ADAMTS12: variants seen among roughly 807,000 people sequenced by gnomAD.
ADAMTS12 encodes A disintegrin and metalloproteinase with thrombospondin motifs 12.
In ADAMTS12, 118 loss-of-function variants were observed where a neutral mutation model predicts 167.8. The observed-to-expected ratio is 0.70, with a 90% CI of 0.61 to 0.82. ADAMTS12 has a LOEUF of 0.82. Among genes scored for constraint, ADAMTS12 ranks in the 40% least tolerant of loss-of-function variants. ADAMTS12 has a pLI of 0.00. For synonymous variants in ADAMTS12, 704 were observed against 716.9 expected, an observed-to-expected ratio of 0.98 and a Z score of 0.29; for missense variants, 1,916 against 1,998.8, an observed-to-expected ratio of 0.96 and a Z score of 0.79.
intron 7 of ADAMTS12, among the ~76,000 whole-genome samples, chr5:33,653,368 T>C (rs1740935755): frequency 6.6e-6 from 1 of 152,136 alleles, no homozygotes; most frequent in Admixed American, 6.6e-5. Flanking sequence ...AAATCCCACT[T>C]GGTCATTGTG....
At chr5:33,617,272 T>C (rs1475757214) in intron 14 of ADAMTS12, among the ~76,000 whole-genome samples, 3 of 152,122 alleles carry the variant, frequency 2.0e-5, no homozygotes, top group Admixed American at 2.0e-4. Flanking sequence ...ATCTTGGTTA[T>C]TTTTCCACTG....
chr5:33,647,600 G>A lies in ADAMTS12; in HGVS notation c.1479+1222C>T, dbSNP rs896384275. 4.6e-5 allele frequency among the ~76,000 whole-genome samples: 7 copies of A among 152,234 alleles called. No individual in the cohort carries two copies. The South Asian group carries it at 1.0e-3, about 23-fold the overall frequency. ...ACAAAAATTAGCTGGCCCTGTTGGC[G>A]CATACCCGTAATCCCAGCTACTTGG... On this transcript the variant is annotated intron_variant, in intron 9 of 23. Coordinates refer to ENST00000504830, the MANE Select transcript of ADAMTS12 (RefSeq NM_030955.4).
chr5:33,764,987 G>C (rs1354486875), intron 2 of ADAMTS12, among the ~76,000 whole-genome samples: 3 of 152,024 alleles, frequency 2.0e-5, no homozygotes. Flanking sequence ...ACTACAAACA[G>C]TCCCAGTCTC....
Position 33,624,490 on chromosome 5 carries a change from T to C in ADAMTS12, c.2023-139A>G, listed in dbSNP as rs938007715. The C allele has an allele frequency of 1.0e-5, 13 of 1,260,470 alleles. No homozygotes were observed. The Admixed American group carries it at 1.3e-4, about 13-fold the overall frequency. The allele number at this position is 1,260,470 out of a possible 1,614,324, so 78.1% of individuals were successfully genotyped here. On this transcript the variant is annotated intron_variant, in intron 13 of 23. Transcript: ENST00000504830. ...AGGTACAAGGACAAATGTTTGTTCCTGGTGGCAGCAAGAGGAATATCCAAG... is the reference window on the plus strand; with the variant it reads ...AGGTACAAGGACAAATGTTTGTTCCCGGTGGCAGCAAGAGGAATATCCAAG...
chr5:33,790,268 C>T (rs1746477106), intron 2 of ADAMTS12, among the ~76,000 whole-genome samples: 1 of 151,994 alleles, frequency 6.6e-6, no homozygotes, highest in Non-Finnish European at 1.5e-5. Context: ...GAATGTCCCA[C>T]ATCTGGCCGG....
chr5:33,731,517 A>G (rs1744194350), intron 3 of ADAMTS12, among the ~76,000 whole-genome samples: 1 of 152,264 alleles, frequency 6.6e-6, no homozygotes. Context: ...ATAATGAGGC[A>G]AGGCAGCCAG....
At chr5:33,799,649 C>T (rs912913251) in intron 2 of ADAMTS12, among the ~76,000 whole-genome samples, 1 of 152,228 alleles carries the variant, frequency 6.6e-6, no homozygotes, top group South Asian at 2.1e-4. Context: ...GTTGTAAACC[C>T]TCTAGTCCGA....
At chr5:33,827,760 T>C (rs182330929) in intron 2 of ADAMTS12, among the ~76,000 whole-genome samples, 2 of 145,840 alleles carry the variant, frequency 1.4e-5, no homozygotes, top group African/African-American at 5.2e-5. Flanking sequence ...GATAGATAGA[T>C]AGAATGTTTT....
intron 4 of ADAMTS12, among the ~76,000 whole-genome samples, chr5:33,683,543 GT>G (rs1742210451): frequency 6.6e-6 from 1 of 152,104 alleles, no homozygotes; most frequent in African/African-American, 2.4e-5. Flanking sequence ...CTTTGCCTCA[GT>G]TTACTCCTTC....
At chr5:33,541,735 T>G (rs551385123) in intron 22 of ADAMTS12, among the ~76,000 whole-genome samples, 9 of 152,200 alleles carry the variant, frequency 5.9e-5, no homozygotes, top group African/African-American at 1.9e-4. Context: ...ACAACCAAAC[T>G]AAGCTTCATA....
rs147677395 is a variant in ADAMTS12 at position 33,647,952 on chromosome 5, C to G, written c.1479+870G>C. Among the ~76,000 whole-genome samples the G allele has an allele frequency of 2.3e-3, 348 of 152,336 alleles. 4 individuals are homozygous for G. The highest frequency in any genetic ancestry group is 0.019 in the Admixed American group (295 of 15,308). ...AAATTTTTATGCCTGCCTCCTCCAC[C>G]ATGAGCTCCTCGAGGGCAGAGACTT... On this transcript the variant is annotated intron_variant, in intron 9 of 23. Coordinates refer to ENST00000504830, the MANE Select transcript of ADAMTS12 (RefSeq NM_030955.4).
At chr5:33,850,998 G>A (rs1749200276) in intron 2 of ADAMTS12, among the ~76,000 whole-genome samples, 1 of 152,204 alleles carries the variant, frequency 6.6e-6, no homozygotes, top group African/African-American at 2.4e-5. Context: ...AGAGCTTCTG[G>A]CTAGATGGGA....
At position 33,549,328 on chromosome 5, in the gene ADAMTS12, C is replaced by T; in HGVS notation, c.4181G>A (p.Ser1394Asn). The T allele has an allele frequency of 6.2e-7, 1 of 1,614,210 alleles. No homozygotes were observed. The change falls in exon 21 of 24, where the codon AGC (serine) becomes AAC (asparagine). Residue 1394 changes from serine to asparagine, a missense_variant. Ser to Asn is a conservative substitution (Grantham distance 46, BLOSUM62 1). Coordinates refer to ENST00000504830, the MANE Select transcript of ADAMTS12 (RefSeq NM_030955.4). ...TGGCCTCAGGTTCCGGTGGTCCCGG[C>T]TGTCCACGCACTGAATCTCGCGTAT... The part of the protein sequence containing the change: ...FKIREIQCVD[S>N]RDHRNLRPFH...
intron 17 of ADAMTS12, among the ~76,000 whole-genome samples, chr5:33,594,184 T>C (rs546065712): frequency 2.6e-5 from 4 of 152,300 alleles, no homozygotes; most frequent in Non-Finnish European, 5.9e-5. Flanking sequence ...TGAATAAGTC[T>C]CATGAGATTT....
chr5:33,626,669 G>A (rs1417682005), intron 13 of ADAMTS12, among the ~76,000 whole-genome samples: 6 of 150,926 alleles, frequency 4.0e-5, no homozygotes, highest in Non-Finnish European at 7.4e-5. Context: ...GGTAATGGTG[G>A]TGGTGATTTG....
intron 5 of ADAMTS12, among the ~76,000 whole-genome samples, chr5:33,667,287 C>T (rs896649644): frequency 7.3e-6 from 1 of 137,546 alleles, no homozygotes; most frequent in Non-Finnish European, 1.5e-5. Context: ...CACTGCACTC[C>T]AGCCTGGGCA....
In ADAMTS12 at chr5:33,616,031, T is replaced by C; in HGVS notation, c.2185A>G (p.Ile729Val). 5 of 1,614,202 alleles carry C rather than the reference T, an allele frequency of 3.1e-6. No individual in the cohort carries two copies. The highest frequency in any genetic ancestry group is 1.1e-5 in the South Asian group (1 of 91,088). ...GCTCCCTCAATTTCCATCACTCTTA[T>C]GTCCCTTGCTCCTTTTGGAATGAGC... ...IGLIPKGARD[I>V]RVMEIEGAGN... Residue 729 changes from isoleucine to valine, a missense_variant, in exon 15 of 24, where the codon ATA becomes GTA. By Grantham distance (29) the Ile-to-Val change is conservative. Coordinates refer to ENST00000504830, the MANE Select transcript of ADAMTS12 (RefSeq NM_030955.4).
chr5:33,705,628 C>T (rs996601241), intron 3 of ADAMTS12, among the ~76,000 whole-genome samples: 4 of 152,012 alleles, frequency 2.6e-5, no homozygotes, highest in Admixed American at 6.6e-5. Flanking sequence ...GCCTGGCCAA[C>T]GTGTGAAACC....
chr5:33,863,587 C>A (rs1749702502), intron 2 of ADAMTS12, among the ~76,000 whole-genome samples: 1 of 152,182 alleles, frequency 6.6e-6, no homozygotes, highest in East Asian at 1.9e-4. Flanking sequence ...ATTCCATGTT[C>A]ATGAATAGGA....
Sources: gnomAD v4.1 joint callset for allele counts (sites outside exome capture counted in the v4.1 genomes callset) on GRCh38, gnomAD v4.1.1 for gene constraint, MANE v1.5 for transcripts, NCBI Gene and HGNC (gene_info 2026-07-23, HGNC 2026-07-21) for gene names.